The following DNM1L variants were observed in gnomAD, a reference collection of about 807,000 sequenced individuals.
DNM1L encodes the protein dynamin-1-like protein.
In DNM1L, 33 loss-of-function variants were observed where a neutral mutation model predicts 92.8. The ratio of observed to expected loss-of-function variants is 0.36; its 90% CI spans 0.27 to 0.48. The LOEUF (loss-of-function observed/expected upper bound fraction) is 0.48, where lower values mean the gene tolerates loss of function less well. DNM1L is among the 20% of genes least tolerant of loss of function. The probability of loss-of-function intolerance (pLI) is 0.99; values close to 1 mark genes in which losing one functional copy is unlikely to be tolerated. For synonymous variants in DNM1L, 284 were observed against 305.0 expected, an observed-to-expected ratio of 0.93 and a Z score of 0.72; for missense variants, 485 against 888.8, an observed-to-expected ratio of 0.55 and a Z score of 5.78.
chr12:32,742,768 T>G lies in DNM1L; in HGVS notation c.2154+20T>G, dbSNP rs1955394762. 6.2e-7 allele frequency: 1 copy of G among 1,613,894 alleles called. No homozygotes were observed. The highest frequency in any genetic ancestry group is 8.5e-7 in the Non-Finnish European group (1 of 1,179,992). On this transcript the variant is annotated intron_variant, in intron 19 of 19. Coordinates refer to ENST00000549701, the MANE Select transcript of DNM1L (RefSeq NM_012062.5). ...CTAAAGGTATTGTGGACCTTTTGAT[T>G]TTTTATACTTGGGTAGTAGATAGAA...
chr12:32,710,121 T>C (rs1039309761), intron 4 of DNM1L, among the ~76,000 whole-genome samples: 4 of 152,144 alleles, frequency 2.6e-5, no homozygotes, highest in African/African-American at 9.7e-5. Flanking sequence ...GGGCCAGTGG[T>C]GAAGAGGAGG....
chr12:32,729,382 A>T (rs1461808514), intron 9 of DNM1L, among the ~76,000 whole-genome samples: 1 of 151,882 alleles, frequency 6.6e-6, no homozygotes. Flanking sequence ...CGCCCAGCCG[A>T]AATTCTTATC....
In DNM1L at chr12:32,720,688, G is replaced by C. The variant is rs1953762801; in HGVS notation, c.765G>C (p.Lys255Asn). ...GGAGCCAGCTAGATATTAACAACAA[G>C]AAGAGTGTAACTGATTCAATCCGTG... ...VNRSQLDINN[K>N]KSVTDSIRDE... The change falls in exon 8 of 20, where the codon AAG (lysine) becomes AAC (asparagine). Residue 255 changes from lysine to asparagine, a missense_variant. This residue lies in a region of DNM1L where 159 missense variants were observed against 275.9 expected (regional missense o/e 0.58). Transcript: ENST00000549701. 1 of 1,613,722 alleles carries C rather than the reference G, an allele frequency of 6.2e-7. No homozygotes were observed. The highest frequency in any genetic ancestry group is 8.5e-7 in the Non-Finnish European group (1 of 1,179,858).
chr12:32,715,972 T>C (rs1165092871), intron 6 of DNM1L, among the ~76,000 whole-genome samples: 2 of 152,176 alleles, frequency 1.3e-5, no homozygotes, highest in African/African-American at 4.8e-5. Flanking sequence ...TATTCATAAT[T>C]TTCAAAAACT....
At chr12:32,705,945 ATT>A in intron 2 of DNM1L, 1 of 1,259,058 alleles carries the variant, frequency 7.9e-7, no homozygotes, top group East Asian at 2.6e-5. Context: ...GGCTGTGTGT[ATT>A]TTTTTTTCTT....
rs527645422 is a variant in DNM1L at position 32,744,723 on chromosome 12, A to G, written c.*1313A>G. The G allele has an allele frequency of 1.0e-4, 37 of 367,286 alleles. No individual in the cohort carries two copies. Among genetic ancestry groups the G allele is most frequent in the African/African-American group, 7.2e-4 (33 of 45,868 alleles). 22.8% of individuals were successfully genotyped at this position (367,286 alleles called of 1,614,324 possible). On this transcript the variant is annotated 3_prime_UTR_variant, in exon 20 of 20. Coordinates refer to ENST00000549701, the MANE Select transcript of DNM1L (RefSeq NM_012062.5). ...AGCGAAACTCCGTCTCAAAAAAAAA[A>G]AATAAAACAACACCCAGATAGATAC...
intron 6 of DNM1L, among the ~76,000 whole-genome samples, chr12:32,715,681 G>T (rs1186217524): frequency 6.6e-6 from 1 of 152,074 alleles, no homozygotes; most frequent in Non-Finnish European, 1.5e-5. Context: ...ACAATGAGCC[G>T]AGATTGTGCC....
chr12:32,710,232 GA>G (rs1367841128), intron 4 of DNM1L, among the ~76,000 whole-genome samples: 4 of 152,190 alleles, frequency 2.6e-5, no homozygotes, highest in Admixed American at 6.5e-5. Context: ...AACTTCTTGA[GA>G]AATCTCTTAC....
In DNM1L at chr12:32,743,688, TA is replaced by T. The variant is rs1955472431; in HGVS notation, c.*280del. On this transcript the variant is annotated 3_prime_UTR_variant, in exon 20 of 20. Transcript: ENST00000549701. ...CTGAACTTAACTTAAAAACAACTGT[TA>T]ATGTTCTAGTTGTGCAAAGCAGTTT... 2.2e-6 allele frequency: 1 copy of T among 450,356 alleles called. No homozygotes were observed. Among genetic ancestry groups the T allele is most frequent in the African/African-American group, 2.0e-5 (1 of 50,754 alleles). The allele number at this position is 450,356 out of a possible 1,614,324, so 27.9% of individuals were successfully genotyped here. A position where few individuals can be genotyped will look rare whatever the true frequency, so the allele number is the denominator to read the frequency against.
At chr12:32,732,060 C>T in intron 12 of DNM1L, 117 bp downstream of exon 12, 1 of 770,578 alleles carries the variant, frequency 1.3e-6, no homozygotes, top group Non-Finnish European at 2.2e-6. Flanking sequence ...TAATGTTTTC[C>T]AGTGTATTGG....
In DNM1L at chr12:32,745,052, G is replaced by A. The variant is rs1474611881; in HGVS notation, c.*1642G>A. The A allele has an allele frequency of 2.0e-6, 1 of 504,044 alleles. No homozygotes were observed. The highest frequency in any genetic ancestry group is 3.9e-6 in the Non-Finnish European group (1 of 255,234). The allele number at this position is 504,044 out of a possible 1,614,324, so 31.2% of individuals were successfully genotyped here. A position where few individuals can be genotyped will look rare whatever the true frequency, so the allele number is the denominator to read the frequency against. ...GCATCAATTTACTAAGGAACAACAG[G>A]CTCACCAACTGATGTCAAACATAAA... On this transcript the variant is annotated 3_prime_UTR_variant, in exon 20 of 20. Transcript: ENST00000549701.
chr12:32,717,384 ATATATAG>A lies in DNM1L; in HGVS notation c.620-1252_620-1246del, dbSNP rs1422776556. Among the ~76,000 whole-genome samples the A allele has an allele frequency of 9.2e-5, 6 of 65,258 alleles. 1 individual carries two copies. Among genetic ancestry groups the A allele is most frequent in the Admixed American group, 2.3e-4 (1 of 4,274 alleles). The allele number at this position is 65,258 out of a possible 152,430, so 42.8% of individuals were successfully genotyped here. On this transcript the variant is annotated intron_variant, in intron 6 of 19. Transcript: ENST00000549701. ...ATATATAATATATATACTATATATAATATATAGTATATATAATATATAATATATATTT... is the reference window on the plus strand; with the variant it reads ...ATATATAATATATATACTATATATAATATATATAATATATAATATATATTT...
At chr12:32,727,528 G>GT in intron 9 of DNM1L, 3 of 535,912 alleles carry the variant, frequency 5.6e-6, no homozygotes, top group Non-Finnish European at 6.6e-6. Flanking sequence ...CTCTGAAAAT[G>GT]GAAAAAAAAA....
chr12:32,679,338 C>G lies in DNM1L; in HGVS notation c.-26C>G. The G allele has an allele frequency of 6.4e-7, 1 of 1,557,656 alleles. No homozygotes were observed. Among genetic ancestry groups the G allele is most frequent in the Non-Finnish European group, 8.8e-7 (1 of 1,131,034 alleles). ...CCCATTCATTGCCGTGGCCGGCGGGCACTGGGGCCCCGTGTTTTCAGAGTC... is the reference window on the plus strand; with the variant it reads ...CCCATTCATTGCCGTGGCCGGCGGGGACTGGGGCCCCGTGTTTTCAGAGTC... On this transcript the variant is annotated 5_prime_UTR_variant, in exon 1 of 20. Transcript: ENST00000549701.
At chr12:32,706,557 T>C in intron 2 of DNM1L, 1 of 367,124 alleles carries the variant, frequency 2.7e-6, no homozygotes, top group Non-Finnish European at 5.3e-6. Flanking sequence ...TGAATCTATT[T>C]TCCTTCTTTC....
chr12:32,739,487 TCA>T (rs2137582669), intron 16 of DNM1L, among the ~76,000 whole-genome samples: 1 of 152,336 alleles, frequency 6.6e-6, no homozygotes, highest in South Asian at 2.1e-4. Context: ...TTGAAACAAC[TCA>T]CAGTGACTGT....
In DNM1L at chr12:32,731,546, C is replaced by T. The variant is rs776992731; in HGVS notation, c.1356+35C>T. 2 of 1,612,316 alleles carry T rather than the reference C, an allele frequency of 1.2e-6. No individual in the cohort carries two copies. The highest frequency in any genetic ancestry group is 2.2e-5 in the South Asian group (2 of 91,038). ...AGAAATGTAACAGGTTTCACATGAA[C>T]TAGAAAAGGACATGAAGTGGTGGTT... On this transcript the variant is annotated intron_variant, in intron 11 of 19. Coordinates refer to ENST00000549701, the MANE Select transcript of DNM1L (RefSeq NM_012062.5). This position sits in a 1 kb window ranked among gnomAD's most constrained non-coding sequence, Gnocchi z 5.1.
rs546412703 is a variant in DNM1L at position 32,738,016 on chromosome 12, C to A, written c.1674+74C>A. 2.7e-6 allele frequency: 4 copies of A among 1,473,276 alleles called. No individual in the cohort carries two copies. The Admixed American group carries it at 5.0e-5, about 18-fold the overall frequency. The allele number at this position is 1,473,276 out of a possible 1,614,324, so 91.3% of individuals were successfully genotyped here. On this transcript the variant is annotated intron_variant, in intron 15 of 19. Coordinates refer to ENST00000549701, the MANE Select transcript of DNM1L (RefSeq NM_012062.5). ...AACATAATCTTCTGGAAACAATACA[C>A]TGAATAGAAGAATATTAATATGGGA...
At chr12:32,736,215 G>T (rs1022396031) in intron 13 of DNM1L, among the ~76,000 whole-genome samples, 1 of 151,924 alleles carries the variant, frequency 6.6e-6, no homozygotes, top group South Asian at 2.1e-4. Context: ...GGGATTACAG[G>T]TGTGCGGCAC....
Sources: gnomAD v4.1 joint callset for allele counts (sites outside exome capture counted in the v4.1 genomes callset) on GRCh38, gnomAD v4.1.1 for gene constraint, gnomAD v4.1.1 regional missense constraint, Gnocchi (gnomAD v3.1) non-coding constraint, MANE v1.5 for transcripts, NCBI Gene and HGNC (gene_info 2026-07-23, HGNC 2026-07-21) for gene names.